MAN1A1: variants seen among roughly 807,000 people sequenced by gnomAD.
MAN1A1 encodes the protein mannosidase alpha class 1A member 1.
A neutral mutation model predicts 70.8 loss-of-function variants in MAN1A1; 29 were observed. The observed-to-expected ratio is 0.41, with a 90% CI of 0.31 to 0.56. The LOEUF is 0.56. Among genes scored for constraint, MAN1A1 ranks in the 20% least tolerant of loss-of-function variants. The probability of loss-of-function intolerance (pLI) is 0.29; values close to 1 mark genes in which losing one functional copy is unlikely to be tolerated. For missense variants in MAN1A1, 747 were observed against 841.3 expected, an observed-to-expected ratio of 0.89 and a Z score of 1.39; for synonymous variants, 349 against 330.1, an observed-to-expected ratio of 1.06 and a Z score of -0.62.
chr6:119,246,287 G>A (rs984528392), intron 6 of MAN1A1, among the ~76,000 whole-genome samples: 6 of 152,148 alleles, frequency 3.9e-5, no homozygotes, highest in African/African-American at 1.4e-4. Flanking sequence ...GAATTTAAGA[G>A]AAGGCTGGAG....
At chr6:119,257,024 CTG>C (rs1479725263) in intron 5 of MAN1A1, among the ~76,000 whole-genome samples, 6 of 152,098 alleles carry the variant, frequency 3.9e-5, no homozygotes, top group African/African-American at 1.4e-4. Context: ...CATGCTGTAA[CTG>C]TGGGAATTTT....
rs71015031 is a variant in MAN1A1 at position 119,250,648 on chromosome 6, C to CTGTGTGTG, written c.898-2302_898-2295dup. On this transcript the variant is annotated intron_variant, in intron 5 of 12. Transcript: ENST00000368468. ...CAGACTCCTCTCTCTTGTTCTCTCT[C>CTGTGTGTG]TGTGTGTGTGTGTGTGTGTGTGTGT... Among the ~76,000 whole-genome samples, 172 of 148,634 alleles carry CTGTGTGTG rather than the reference C, an allele frequency of 1.2e-3. 3 individuals are homozygous for CTGTGTGTG. The highest frequency in any genetic ancestry group is 3.6e-3 in the South Asian group (17 of 4,672).
intron 9 of MAN1A1, among the ~76,000 whole-genome samples, chr6:119,191,419 C>T (rs982772991): frequency 1.6e-5 from 2 of 123,520 alleles, no homozygotes; most frequent in Non-Finnish European, 3.7e-5. Flanking sequence ...ATAAAAACTA[C>T]AATGAAATTC....
intron 6 of MAN1A1, chr6:119,210,799 G>A: frequency 3.2e-6 from 1 of 312,144 alleles, no homozygotes; most frequent in African/African-American, 2.2e-5. Context: ...TGATAATGAG[G>A]AAGGACTTGG....
chr6:119,196,819 A>C lies in MAN1A1; in HGVS notation c.1211-2927T>G, dbSNP rs55810690. Among the ~76,000 whole-genome samples the C allele has an allele frequency of 1.7e-3, 265 of 152,324 alleles. 1 individual carries two copies. Among genetic ancestry groups the C allele is most frequent in the African/African-American group, 6.2e-3 (258 of 41,566 alleles). On this transcript the variant is annotated intron_variant, in intron 8 of 12. Coordinates refer to ENST00000368468, the MANE Select transcript of MAN1A1 (RefSeq NM_005907.4). ...CACTACACATAGCTAGCTAGACTAGATATAGATAGATGGATGGCTGTTATA... is the reference window on the plus strand; with the variant it reads ...CACTACACATAGCTAGCTAGACTAGCTATAGATAGATGGATGGCTGTTATA...
At chr6:119,221,353 A>T (rs7763569) in intron 6 of MAN1A1, among the ~76,000 whole-genome samples, 59,682 of 151,864 alleles carry the variant, frequency 0.39, 12,391 homozygotes, top group African/African-American at 0.47. Flanking sequence ...CATTTTAAAG[A>T]TAATTTTTGC....
chr6:119,341,813 A>G (rs887605759), intron 2 of MAN1A1, among the ~76,000 whole-genome samples: 4 of 152,206 alleles, frequency 2.6e-5, no homozygotes, highest in African/African-American at 9.6e-5. Flanking sequence ...AATAACTTCA[A>G]TACTTAAGAT....
chr6:119,283,880 T>A (rs958609458), intron 5 of MAN1A1, among the ~76,000 whole-genome samples: 1 of 152,104 alleles, frequency 6.6e-6, no homozygotes, highest in African/African-American at 2.4e-5. Flanking sequence ...TGTGGAGTGA[T>A]GACAACTTTC....
At chr6:119,345,193 G>A (rs553184158) in intron 2 of MAN1A1, among the ~76,000 whole-genome samples, 1 of 109,076 alleles carries the variant, frequency 9.2e-6, no homozygotes, top group Non-Finnish European at 1.8e-5. Flanking sequence ...AGAGGTTGAG[G>A]GGGGGGCGGA....
intron 2 of MAN1A1, among the ~76,000 whole-genome samples, chr6:119,336,096 G>C (rs781727674): frequency 6.6e-6 from 1 of 152,074 alleles, no homozygotes; most frequent in Non-Finnish European, 1.5e-5. Context: ...TTGAGACAGA[G>C]TCTCACTCTG....
intron 4 of MAN1A1, among the ~76,000 whole-genome samples, chr6:119,298,887 C>T (rs551263348): frequency 6.6e-5 from 10 of 152,004 alleles, no homozygotes; most frequent in African/African-American, 2.4e-4. Context: ...TGAGCCACTG[C>T]GCCTGGCCAA....
chr6:119,209,090 CAAAA>C (rs34328766), intron 6 of MAN1A1, among the ~76,000 whole-genome samples: 2 of 89,074 alleles, frequency 2.2e-5, no homozygotes, highest in Admixed American at 1.3e-4. Flanking sequence ...GACCCCGTCT[CAAAA>C]AAAAAAAAAA....
At chr6:119,263,746 CA>C (rs1215301343) in intron 5 of MAN1A1, among the ~76,000 whole-genome samples, 1 of 151,454 alleles carries the variant, frequency 6.6e-6, no homozygotes, top group Non-Finnish European at 1.5e-5. Flanking sequence ...AAACAAAATA[CA>C]AAAAAAAGAA....
intron 6 of MAN1A1, among the ~76,000 whole-genome samples, chr6:119,246,897 A>G (rs1490072341): frequency 6.6e-6 from 1 of 152,114 alleles, no homozygotes; most frequent in African/African-American, 2.4e-5. Context: ...GGACCCTTAA[A>G]GGAAGAACAG....
chr6:119,181,334 T>C (rs1773148887), intron 11 of MAN1A1, among the ~76,000 whole-genome samples: 1 of 152,176 alleles, frequency 6.6e-6, no homozygotes, highest in Admixed American at 6.5e-5. Flanking sequence ...AATCAGAGTA[T>C]CTGAGTTTCT....
At position 119,290,737 on chromosome 6, in the gene MAN1A1, T is replaced by C. The variant is rs1216705244; in HGVS notation, c.843A>G (p.Val281=). 7 of 1,610,982 alleles carry C rather than the reference T, an allele frequency of 4.3e-6. No individual in the cohort carries two copies. In the African/African-American group the frequency reaches 9.4e-5, roughly 22 times the overall value. ...NVNAEISVFE[V]NIRFVGGLLS... Reference sequence around the variant, plus strand: ...GTAGTCCACCAACAAAGCGTATATTTACTTCAAAGACAGAAATTTCAGCAT... The same window carrying C: ...GTAGTCCACCAACAAAGCGTATATTCACTTCAAAGACAGAAATTTCAGCAT... The change falls in exon 5 of 13, where the codon GTA becomes GTG. Residue 281 remains valine, a synonymous_variant. Transcript: ENST00000368468.
chr6:119,232,372 CAAAAAAAAAAAA>C (rs71015028), intron 6 of MAN1A1, among the ~76,000 whole-genome samples: 1 of 89,388 alleles, frequency 1.1e-5, no homozygotes, highest in Non-Finnish European at 2.1e-5. Context: ...GACTCTGTCT[CAAAAAAAAAAAA>C]AAAAAAAAGA....
chr6:119,276,267 G>C (rs1776061482), intron 5 of MAN1A1, among the ~76,000 whole-genome samples: 1 of 152,066 alleles, frequency 6.6e-6, no homozygotes, highest in African/African-American at 2.4e-5. Flanking sequence ...ATTTTCTTCA[G>C]AGCTCTTATT....
intron 3 of MAN1A1, among the ~76,000 whole-genome samples, chr6:119,304,898 A>G (rs1411337850): frequency 1.3e-5 from 2 of 152,168 alleles, no homozygotes; most frequent in Non-Finnish European, 2.9e-5. Context: ...ACGGGACTAC[A>G]TATTACACAG....
Sources: gnomAD v4.1 joint callset for allele counts (sites outside exome capture counted in the v4.1 genomes callset) on GRCh38, gnomAD v4.1.1 for gene constraint, MANE v1.5 for transcripts, NCBI Gene and HGNC (gene_info 2026-07-23, HGNC 2026-07-21) for gene names.